Variants in PGGT1B observed in about 807,000 individuals in gnomAD.
PGGT1B encodes protein geranylgeranyltransferase type I subunit beta.
In PGGT1B, 30 loss-of-function variants were observed where a neutral mutation model predicts 46.1. The observed-to-expected ratio is 0.65, with a 90% CI of 0.49 to 0.88. The LOEUF (loss-of-function observed/expected upper bound fraction) is 0.88. Ranked by LOEUF, PGGT1B falls within the 40% of genes least tolerant of loss-of-function variation. The probability of loss-of-function intolerance (pLI) is 0.00; values close to 1 mark genes in which losing one functional copy is unlikely to be tolerated. For missense variants in PGGT1B, 376 were observed against 455.9 expected (o/e 0.82, Z 1.60); for synonymous variants, 170 against 160.0 (o/e 1.06, Z -0.47).
At chr5:115,215,547 C>T (rs1265569574) in intron 8 of PGGT1B, among the ~76,000 whole-genome samples, 1 of 152,016 alleles carries the variant, frequency 6.6e-6, no homozygotes, top group Middle Eastern at 3.2e-3. Flanking sequence ...ATCCGCCCAC[C>T]TCAGCCTCCC....
chr5:115,207,201 A>ATATATATG lies in PGGT1B; in HGVS notation c.*5200_*5201insCATATATA, dbSNP rs1756092529. The ATATATATG allele has an allele frequency of 7.4e-6, 1 of 135,238 alleles. No homozygotes were observed. Among genetic ancestry groups the ATATATATG allele is most frequent in the South Asian group, 2.4e-4 (1 of 4,146 alleles). The allele number at this position is 135,238 out of a possible 1,614,324, so 8.4% of individuals were successfully genotyped here. On this transcript the variant is annotated 3_prime_UTR_variant, in exon 9 of 9. Coordinates refer to ENST00000419445, the MANE Select transcript of PGGT1B (RefSeq NM_005023.4). ...CATACATATATATATATATATATATATATATAGTCTTGTTACTCTTTTTAG... is the reference window on the plus strand; with the variant it reads ...CATACATATATATATATATATATATATATATATGTATATAGTCTTGTTACTCTTTTTAG...
At chr5:115,244,636 G>C (rs1357981789) in intron 2 of PGGT1B, among the ~76,000 whole-genome samples, 4 of 151,944 alleles carry the variant, frequency 2.6e-5, no homozygotes, top group East Asian at 2.0e-4. Context: ...CTGTTGCCCA[G>C]GCTGGACTGC....
At chr5:115,239,077 C>T (rs1312451173) in intron 3 of PGGT1B, among the ~76,000 whole-genome samples, 1 of 152,028 alleles carries the variant, frequency 6.6e-6, no homozygotes, top group Non-Finnish European at 1.5e-5. Flanking sequence ...TTTGCTCCGT[C>T]ACCCAGGCTG....
chr5:115,234,924 C>T (rs914327798), intron 5 of PGGT1B, among the ~76,000 whole-genome samples: 29 of 151,898 alleles, frequency 1.9e-4, no homozygotes, highest in African/African-American at 7.0e-4. Context: ...TATCTCTGCC[C>T]GAGAAAAGGC....
At chr5:115,221,448 C>T (rs995318917) in intron 7 of PGGT1B, among the ~76,000 whole-genome samples, 6 of 151,960 alleles carry the variant, frequency 3.9e-5, no homozygotes, top group African/African-American at 1.2e-4. Context: ...AGATTAATAC[C>T]TTCCCATAAA....
At chr5:115,262,009 A>G (rs1379437680) in intron 1 of PGGT1B, among the ~76,000 whole-genome samples, 2 of 152,232 alleles carry the variant, frequency 1.3e-5, no homozygotes, top group Non-Finnish European at 2.9e-5. Context: ...GAACACAGCA[A>G]AAACAAGCCG....
intron 4 of PGGT1B, among the ~76,000 whole-genome samples, chr5:115,237,122 T>C (rs1252972092): frequency 6.6e-6 from 1 of 152,152 alleles, no homozygotes; most frequent in Non-Finnish European, 1.5e-5. Flanking sequence ...ATGAAGTAAA[T>C]ATTTAGTTTC....
rs1354209660 is a variant in PGGT1B, at chr5:115,207,172, T to TATAC, written c.*5226_*5229dup. On this transcript the variant is annotated 3_prime_UTR_variant, in exon 9 of 9. Transcript: ENST00000419445. ...ATCTTCTAACTAGTTTAGGTTTGCATATACATACATATATATATATATATA... is the reference window on the plus strand; with the variant it reads ...ATCTTCTAACTAGTTTAGGTTTGCATATACATACATACATATATATATATATATA... The TATAC allele has an allele frequency of 4.6e-5, 5 of 109,214 alleles. No individual in the cohort carries two copies. Among genetic ancestry groups the TATAC allele is most frequent in the African/African-American group, 7.1e-5 (2 of 28,068 alleles). 6.8% of individuals were successfully genotyped at this position (109,214 alleles called of 1,614,324 possible).
intron 1 of PGGT1B, among the ~76,000 whole-genome samples, chr5:115,257,551 A>G (rs1748375934): frequency 6.6e-6 from 1 of 150,432 alleles, no homozygotes; most frequent in African/African-American, 2.5e-5. Flanking sequence ...AAAAAAAAAA[A>G]GAATGAAAAA....
intron 2 of PGGT1B, among the ~76,000 whole-genome samples, chr5:115,247,615 C>A (rs546588441): frequency 6.4e-4 from 98 of 151,998 alleles, no homozygotes; most frequent in Non-Finnish European, 2.1e-4. Context: ...ACATGCCTTA[C>A]ACAACTCCTT....
Position 115,207,527 on chromosome 5 carries a change from G to T in PGGT1B, c.*4875C>A, listed in dbSNP as rs1045032418. The T allele has an allele frequency of 6.6e-6, 1 of 151,964 alleles. No homozygotes were observed. The highest frequency in any genetic ancestry group is 6.6e-5 in the Admixed American group (1 of 15,232). 9.4% of individuals were successfully genotyped at this position (151,964 alleles called of 1,614,324 possible). Reference sequence around the variant, plus strand: ...GAAGAGAGGTAGTGACTGAAAGAGGGTGCTGATTTCTGACACCATACATAG... The same window carrying T: ...GAAGAGAGGTAGTGACTGAAAGAGGTTGCTGATTTCTGACACCATACATAG... On this transcript the variant is annotated 3_prime_UTR_variant, in exon 9 of 9. Transcript: ENST00000419445.
intron 4 of PGGT1B, among the ~76,000 whole-genome samples, chr5:115,237,245 G>A (rs2127011239): frequency 6.6e-6 from 1 of 152,286 alleles, no homozygotes; most frequent in Middle Eastern, 3.4e-3. Flanking sequence ...AGTAGATGGA[G>A]CACAAAGAGT....
At chr5:115,213,131 G>A (rs1295489191) in intron 8 of PGGT1B, among the ~76,000 whole-genome samples, 1 of 152,206 alleles carries the variant, frequency 6.6e-6, no homozygotes, top group Non-Finnish European at 1.5e-5. Flanking sequence ...CTGGAATGCT[G>A]TGCCATATTT....
At chr5:115,214,830 T>TGC (rs1164093812) in intron 8 of PGGT1B, among the ~76,000 whole-genome samples, 1 of 152,214 alleles carries the variant, frequency 6.6e-6, no homozygotes, top group Non-Finnish European at 1.5e-5. Context: ...AACAGTACCC[T>TGC]GCACTGGTTT....
intron 4 of PGGT1B, 33 bp downstream of exon 4, chr5:115,237,825 A>G: frequency 6.3e-7 from 1 of 1,583,398 alleles, no homozygotes; most frequent in Non-Finnish European, 8.6e-7. Context: ...ATTTTTGTTT[A>G]TTACAAAAAA....
intron 7 of PGGT1B, among the ~76,000 whole-genome samples, chr5:115,221,471 A>G (rs1055361058): frequency 1.3e-5 from 2 of 152,094 alleles, no homozygotes; most frequent in Non-Finnish European, 2.9e-5. Context: ...CTTTACTGCT[A>G]TCATTTTCAG....
rs1004355227 is a variant in PGGT1B, at chr5:115,209,554, G to A, written c.*2848C>T. 2 of 152,040 alleles carry A rather than the reference G, an allele frequency of 1.3e-5. No individual in the cohort carries two copies. The highest frequency in any genetic ancestry group is 4.8e-5 in the African/African-American group (2 of 41,424). The allele number at this position is 152,040 out of a possible 1,614,324, so 9.4% of individuals were successfully genotyped here. ...TGGTTCAGTGGTTTGTCCTCACTTAGTTGTATTTTGAAGTTCATAGAGATA... is the reference window on the plus strand; with the variant it reads ...TGGTTCAGTGGTTTGTCCTCACTTAATTGTATTTTGAAGTTCATAGAGATA... On this transcript the variant is annotated 3_prime_UTR_variant, in exon 9 of 9. Coordinates refer to ENST00000419445, the MANE Select transcript of PGGT1B (RefSeq NM_005023.4).
intron 1 of PGGT1B, chr5:115,262,376 G>A (rs778856745): frequency 1.0e-5 from 3 of 290,914 alleles, no homozygotes; most frequent in Non-Finnish European, 2.0e-5. Flanking sequence ...AAAATACGAC[G>A]ACAAACTTTG....
chr5:115,238,287 T>G (rs1318426680), intron 3 of PGGT1B, among the ~76,000 whole-genome samples: 2 of 144,606 alleles, frequency 1.4e-5, no homozygotes, highest in East Asian at 4.1e-4. Flanking sequence ...ACTTATTTTT[T>G]TGGATTTTTT....
Sources: allele counts gnomAD v4.1 joint callset (sites outside exome capture counted in the v4.1 genomes callset), GRCh38; gene constraint gnomAD v4.1.1; transcripts MANE v1.5; gene names NCBI Gene and HGNC (gene_info 2026-07-23, HGNC 2026-07-21).